NDST2: variants seen among roughly 807,000 people sequenced by gnomAD.
NDST2 encodes the protein N-deacetylase and N-sulfotransferase 2, also known as bifunctional heparan sulfate N-deacetylase/N-sulfotransferase 2.
A neutral mutation model predicts 86.9 loss-of-function variants in NDST2; 32 were observed. The ratio of observed to expected loss-of-function variants is 0.37; its 90% CI spans 0.28 to 0.49. The LOEUF (loss-of-function observed/expected upper bound fraction) is 0.49, where lower values mean the gene tolerates loss of function less well. Ranked by LOEUF, NDST2 falls within the 20% of genes least tolerant of loss-of-function variation. The pLI is 0.97. For missense variants in NDST2, 950 were observed against 1,146.9 expected (o/e 0.83, Z 2.48); for synonymous variants, 409 against 437.0 (o/e 0.94, Z 0.80).
rs1261814420 is a variant in NDST2 at position 73,808,727 on chromosome 10, T to C, written c.-339A>G. ...CAGCAAAGTTCAATCTCTTCCCCTCTACCTGTAAGACAGAGAAATCAGTGG... is the reference window on the plus strand; with the variant it reads ...CAGCAAAGTTCAATCTCTTCCCCTCCACCTGTAAGACAGAGAAATCAGTGG... On this transcript the variant is annotated splice_region_variant and 5_prime_UTR_variant, in exon 3 of 15. Coordinates refer to ENST00000309979, the MANE Select transcript of NDST2 (RefSeq NM_003635.4). This position sits in a 1 kb window ranked among gnomAD's most constrained non-coding sequence, Gnocchi z 4.3. 4.0e-6 allele frequency: 1 copy of C among 249,776 alleles called. No individual in the cohort carries two copies. Among genetic ancestry groups the C allele is most frequent in the East Asian group, 7.7e-5 (1 of 12,968 alleles). The allele number at this position is 249,776 out of a possible 1,614,324, so 15.5% of individuals were successfully genotyped here. A position where few individuals can be genotyped will look rare whatever the true frequency, so the allele number is the denominator to read the frequency against.
intron 11 of NDST2, 59 bp from the exon 12 acceptor site, chr10:73,803,418 C>A: frequency 1.9e-6 from 3 of 1,599,738 alleles, no homozygotes; most frequent in Admixed American, 3.3e-5. Context: ...TCTGCCCTTA[C>A]GCTTGGTCTG....
In NDST2 at chr10:73,806,610, G is replaced by T. The variant is rs776846087; in HGVS notation, c.1248+47C>A. The T allele has an allele frequency of 6.2e-7, 1 of 1,600,138 alleles. No homozygotes were observed. The highest frequency in any genetic ancestry group is 8.6e-7 in the Non-Finnish European group (1 of 1,168,790). On this transcript the variant is annotated intron_variant, in intron 5 of 14. Transcript: ENST00000309979. This position sits in a 1 kb window ranked among gnomAD's most constrained non-coding sequence, Gnocchi z 4.5. ...AGCCCATTAGGGGAAGGTAGAAAAG[G>T]AAGCATGGCTGGGAGAAATTATGGG...
rs765699447 is a variant in NDST2, at chr10:73,808,011, T to C, written c.378A>G (p.Thr126=). 3.7e-6 allele frequency: 6 copies of C among 1,614,124 alleles called. No individual in the cohort carries two copies. In the African/African-American group the frequency reaches 5.3e-5, roughly 14 times the overall value. The change falls in exon 3 of 15, where the codon ACA becomes ACG. Residue 126 remains threonine (T), a synonymous_variant. Coordinates refer to ENST00000309979, the MANE Select transcript of NDST2 (RefSeq NM_003635.4). This position sits in a 1 kb window ranked among gnomAD's most constrained non-coding sequence, Gnocchi z 4.3. ...ELAPGRGDMP[T]LTDNTHGRYV... ...AGCGGCCATGGGTATTATCAGTCAA[T>C]GTGGGCATGTCCCCTCGGCCAGGTG...
rs751466049 is a variant in NDST2 at position 73,803,640 on chromosome 10, G to A, written c.2076C>T (p.Leu692=). The A allele has an allele frequency of 6.2e-7, 1 of 1,613,984 alleles. No individual in the cohort carries two copies. The highest frequency in any genetic ancestry group is 1.3e-5 in the African/African-American group (1 of 74,944). The stretch of plus-strand genomic sequence containing the variant: ...CTGTGATGATCTTGGCTCGTGGCAG[G>A]AGGGCAGCCCCCCGCCGTGGTACAA... ...SEVVPRRGAA[L]LPRAKIITVL... The change falls in exon 11 of 15, where the codon CTC becomes CTT. Residue 692 remains leucine (L), a synonymous_variant. Transcript: ENST00000309979.
Position 73,802,182 on chromosome 10 carries a change from C to G in NDST2, c.*269G>C. On this transcript the variant is annotated 3_prime_UTR_variant, in exon 15 of 15. Transcript: ENST00000309979. Reference sequence around the variant, plus strand: ...ATTGGACTAATACATTCCCCTACACCCTGCCTGGACCCTCTCATTCCTCCC... The same window carrying G: ...ATTGGACTAATACATTCCCCTACACGCTGCCTGGACCCTCTCATTCCTCCC... The G allele has an allele frequency of 3.6e-6, 2 of 557,828 alleles. No homozygotes were observed. Among genetic ancestry groups the G allele is most frequent in the Admixed American group, 3.2e-5 (1 of 31,208 alleles). 34.6% of individuals were successfully genotyped at this position (557,828 alleles called of 1,614,324 possible). A position where few individuals can be genotyped will look rare whatever the true frequency, so the allele number is the denominator to read the frequency against.
In NDST2 at chr10:73,806,769, T is replaced by C. The variant is rs774706848; in HGVS notation, c.1136A>G (p.His379Arg). 15 of 1,614,062 alleles carry C rather than the reference T, an allele frequency of 9.3e-6. No homozygotes were observed. Reference sequence around the variant, plus strand: ...GGGGAACCACCAGAACTCTTTGCGGTGCTTCAGCAGCATGTCGTCCCCTGC... The same window carrying C: ...GGGGAACCACCAGAACTCTTTGCGGCGCTTCAGCAGCATGTCGTCCCCTGC... ...EDAGDDMLLK[H>R]RKEFWWFPHM... is the part of the protein sequence containing the mutation. The change falls in exon 5 of 15, where the codon CAC becomes CGC. Residue 379 changes from histidine (H) to arginine (R), a missense_variant. Physicochemically the swap from His to Arg is conservative, Grantham distance 29. Transcript: ENST00000309979. This position sits in a 1 kb window ranked among gnomAD's most constrained non-coding sequence, Gnocchi z 4.5.
chr10:73,802,968 C>T lies in NDST2; in HGVS notation c.2423+4G>A, dbSNP rs764394782. 8.1e-6 allele frequency: 13 copies of T among 1,613,794 alleles called. No individual in the cohort carries two copies. The highest frequency in any genetic ancestry group is 4.5e-5 in the East Asian group (2 of 44,886). On this transcript the variant is annotated splice_donor_region_variant and intron_variant, in intron 13 of 14. Coordinates refer to ENST00000309979, the MANE Select transcript of NDST2 (RefSeq NM_003635.4). ...TACTCCTCCCCTGGGTCATGCTCTCCCACCTGAGGGTCCGTGTGTAGTTCA... is the reference window on the plus strand; with the variant it reads ...TACTCCTCCCCTGGGTCATGCTCTCTCACCTGAGGGTCCGTGTGTAGTTCA...
Position 73,808,533 on chromosome 10 carries a change from G to A in NDST2, c.-145C>T. 4 of 782,324 alleles carry A rather than the reference G, an allele frequency of 5.1e-6. No homozygotes were observed. The South Asian group carries it at 7.6e-5, about 15-fold the overall frequency. 48.5% of individuals were successfully genotyped at this position (782,324 alleles called of 1,614,324 possible). A position where few individuals can be genotyped will look rare whatever the true frequency, so the allele number is the denominator to read the frequency against. Reference sequence around the variant, plus strand: ...CCTTGGGGAGTTTCCTTTACGAGGTGGAGACGAGTCCCCTTAGCATAGGGT... The same window carrying A: ...CCTTGGGGAGTTTCCTTTACGAGGTAGAGACGAGTCCCCTTAGCATAGGGT... On this transcript the variant is annotated 5_prime_UTR_variant, in exon 3 of 15. Transcript: ENST00000309979. This position sits in a 1 kb window ranked among gnomAD's most constrained non-coding sequence, Gnocchi z 4.3.
chr10:73,803,554 G>C lies in NDST2; in HGVS notation c.2142+20C>G. 6.4e-7 allele frequency: 1 copy of C among 1,550,564 alleles called. No homozygotes were observed. The highest frequency in any genetic ancestry group is 8.8e-7 in the Non-Finnish European group (1 of 1,142,014). ...CCTCCCCCCAACCTTTAGCCTGTGT[G>C]TCCCTAGCTTCAGGCAGACCTGGTA... On this transcript the variant is annotated intron_variant, in intron 11 of 14. Coordinates refer to ENST00000309979, the MANE Select transcript of NDST2 (RefSeq NM_003635.4).
At chr10:73,805,323 A>G (rs2084080938) in intron 8 of NDST2, among the ~76,000 whole-genome samples, 1 of 150,960 alleles carries the variant, frequency 6.6e-6, no homozygotes, top group East Asian at 2.0e-4. Flanking sequence ...GACCAGCCTG[A>G]CCAACATGGT....
In NDST2 at chr10:73,802,978, G is replaced by A; in HGVS notation, c.2417C>T (p.Thr806Ile). ...CTGGGTCATGCTCTCCCACCTGAGG[G>A]TCCGTGTGTAGTTCAGAAAGGGTGT... ...GITPFLNYTR[T>I]LRFDDDKGFW... The change falls in exon 13 of 15, where the codon ACC becomes ATC. Residue 806 changes from threonine to isoleucine, a missense_variant. Thr to Ile is a moderately conservative substitution (Grantham distance 89). Around this residue, in one of 5 missense-constraint regions of NDST2, gnomAD observed 303 missense variants for 323.7 expected, o/e 0.94. Transcript: ENST00000309979. 1 of 1,614,074 alleles carries A rather than the reference G, an allele frequency of 6.2e-7. No individual in the cohort carries two copies. The highest frequency in any genetic ancestry group is 8.5e-7 in the Non-Finnish European group (1 of 1,179,934).
chr10:73,807,574 T>A lies in NDST2; in HGVS notation c.815A>T (p.His272Leu). 6.2e-7 allele frequency: 1 copy of A among 1,614,188 alleles called. No homozygotes were observed. The highest frequency in any genetic ancestry group is 8.5e-7 in the Non-Finnish European group (1 of 1,180,026). ...AAAGAGCACCCGCTGGATGCCATCA[T>A]GAAGCCCCAGGTCCTGTACCACAGT... ...LPTVVQDLGL[H>L]DGIQRVLFGH... The change falls in exon 3 of 15, where the codon CAT (histidine) becomes CTT (leucine). Residue 272 changes from histidine to leucine, a missense_variant. His to Leu is a moderately conservative substitution (Grantham distance 99). Coordinates refer to ENST00000309979, the MANE Select transcript of NDST2 (RefSeq NM_003635.4).
At chr10:73,804,621 A>C in intron 9 of NDST2, 152 bp downstream of exon 9, 1 of 381,872 alleles carries the variant, frequency 2.6e-6, no homozygotes, top group Non-Finnish European at 4.6e-6. Context: ...TGGGCAAAGA[A>C]GTGAGACTCT....
At chr10:73,805,456 A>G (rs2084083682) in intron 8 of NDST2, 131 bp downstream of exon 8, 3 of 853,796 alleles carry the variant, frequency 3.5e-6, no homozygotes, top group Non-Finnish European at 3.6e-6. Flanking sequence ...GGAGGTTGCA[A>G]TGAGCAGAGA....
In NDST2 at chr10:73,808,319, T is replaced by C. The variant is rs1162287026; in HGVS notation, c.70A>G (p.Ile24Val). 6.3e-7 allele frequency: 1 copy of C among 1,594,834 alleles called. No individual in the cohort carries two copies. Among genetic ancestry groups the C allele is most frequent in the Non-Finnish European group, 8.5e-7 (1 of 1,170,960 alleles). ...CCCATGGAGCCCAGGCTGAAAGCGATCAGCAGCAGTATGAGGCGGTGCAGT... is the reference window on the plus strand; with the variant it reads ...CCCATGGAGCCCAGGCTGAAAGCGACCAGCAGCAGTATGAGGCGGTGCAGT... The part of the protein sequence containing the change: ...LELHRLILLL[I>V]AFSLGSMGFL... The change falls in exon 3 of 15, where the codon ATC (isoleucine) becomes GTC (valine). Residue 24 changes from isoleucine to valine, a missense_variant. This residue lies in a region of NDST2 where 38 missense variants were observed against 42.5 expected (regional missense o/e 0.89). Transcript: ENST00000309979. The surrounding 1 kb of genome is among the most constrained non-coding windows in gnomAD (Gnocchi z 4.3).
At chr10:73,811,045 GC>G in intron 1 of NDST2, 142 bp from the exon 2 acceptor site, 1 of 390,404 alleles carries the variant, frequency 2.6e-6, no homozygotes, top group Middle Eastern at 6.4e-4. Context: ...GGGGGCCGGG[GC>G]CGGGCCCGGG....
chr10:73,807,098 A>G lies in NDST2; in HGVS notation c.1093+10T>C. Reference sequence around the variant, plus strand: ...TATGATATGCCAAAGGAGTAGGGGTATAAGCTCACCAGTATGATAGAACTT... The same window carrying G: ...TATGATATGCCAAAGGAGTAGGGGTGTAAGCTCACCAGTATGATAGAACTT... On this transcript the variant is annotated intron_variant, in intron 4 of 14. Coordinates refer to ENST00000309979, the MANE Select transcript of NDST2 (RefSeq NM_003635.4). 8.1e-6 allele frequency: 13 copies of G among 1,611,452 alleles called. No homozygotes were observed. Among genetic ancestry groups the G allele is most frequent in the Non-Finnish European group, 1.1e-5 (13 of 1,177,594 alleles).
At position 73,803,905 on chromosome 10, in the gene NDST2, T is replaced by C. The variant is rs1271058097; in HGVS notation, c.1955A>G (p.Lys652Arg). 2 of 1,614,042 alleles carry C rather than the reference T, an allele frequency of 1.2e-6. No homozygotes were observed. The highest frequency in any genetic ancestry group is 1.3e-5 in the African/African-American group (1 of 74,914). ...IQFFNSPNYH[K>R]GIDWYMDFFP... ...GGCCCAGTCTCACCAGTCAATACCC[T>C]TGTGGTAATTAGGGCTGTTGAAGAA... Residue 652 changes from lysine to arginine, a missense_variant, in exon 10 of 15, where the codon AAG becomes AGG. By Grantham distance (26) the Lys-to-Arg change is conservative. This residue lies in a region of NDST2 where 303 missense variants were observed against 323.7 expected (regional missense o/e 0.94). Coordinates refer to ENST00000309979, the MANE Select transcript of NDST2 (RefSeq NM_003635.4).
intron 2 of NDST2, among the ~76,000 whole-genome samples, chr10:73,810,229 C>T (rs1018457040): frequency 6.6e-6 from 1 of 151,828 alleles, no homozygotes; most frequent in Non-Finnish European, 1.5e-5. Flanking sequence ...AAGGCCGAAG[C>T]GGGTGATCAC....
Sources: gnomAD v4.1 joint callset for allele counts (sites outside exome capture counted in the v4.1 genomes callset) on GRCh38, gnomAD v4.1.1 for gene constraint, gnomAD v4.1.1 regional missense constraint, Gnocchi (gnomAD v3.1) non-coding constraint, MANE v1.5 for transcripts, NCBI Gene and HGNC (gene_info 2026-07-23, HGNC 2026-07-21) for gene names.